The following PDE3A variants were observed in gnomAD, a reference collection of about 807,000 sequenced individuals.
PDE3A encodes the protein phosphodiesterase 3A.
In PDE3A, 43 loss-of-function variants were observed where a neutral mutation model predicts 98.3. The observed-to-expected ratio is 0.44, with a 90% CI of 0.34 to 0.56. The LOEUF (loss-of-function observed/expected upper bound fraction) is 0.56, where lower values mean the gene tolerates loss of function less well. Ranked by LOEUF, PDE3A falls within the 20% of genes least tolerant of loss-of-function variation. The pLI is 0.01. For missense variants in PDE3A, 1,427 were observed against 1,440.7 expected, an observed-to-expected ratio of 0.99 and a Z score of 0.15; for synonymous variants, 663 against 567.9, an observed-to-expected ratio of 1.17 and a Z score of -2.38.
chr12:20,547,245 G>A (rs943515374), intron 1 of PDE3A, among the ~76,000 whole-genome samples: 1 of 151,922 alleles, frequency 6.6e-6, no homozygotes, highest in Admixed American at 6.6e-5. Flanking sequence ...ACCCCCACTT[G>A]TTCTCCCTTC....
intron 1 of PDE3A, among the ~76,000 whole-genome samples, chr12:20,395,139 C>T (rs1259456068): frequency 6.6e-6 from 1 of 151,930 alleles, no homozygotes; most frequent in Admixed American, 6.6e-5. Flanking sequence ...TTCTGGTTTC[C>T]ACTCTAGCCA....
intron 1 of PDE3A, among the ~76,000 whole-genome samples, chr12:20,381,926 C>T (rs1160121985): frequency 6.6e-6 from 1 of 151,692 alleles, no homozygotes; most frequent in African/African-American, 2.4e-5. Flanking sequence ...GTTAATCAAA[C>T]TATTGTTTAT....
chr12:20,435,255 A>T (rs555221930), intron 1 of PDE3A, among the ~76,000 whole-genome samples: 16 of 152,270 alleles, frequency 1.1e-4, no homozygotes, highest in Admixed American at 3.3e-4. Context: ...TCCATTACTA[A>T]CATCAGTTAT....
intron 15 of PDE3A, among the ~76,000 whole-genome samples, chr12:20,675,392 A>G (rs1945609947): frequency 6.6e-6 from 1 of 152,182 alleles, no homozygotes; most frequent in African/African-American, 2.4e-5. Flanking sequence ...GCAGCTGTTC[A>G]ACAAAATGTT....
At chr12:20,551,068 A>G (rs966719416) in intron 1 of PDE3A, among the ~76,000 whole-genome samples, 1 of 151,246 alleles carries the variant, frequency 6.6e-6, no homozygotes, top group African/African-American at 2.4e-5. Context: ...ATATATGCTT[A>G]GTTTACTCCC....
At chr12:20,370,296 A>C in intron 1 of PDE3A, 52 bp downstream of exon 1, 1 of 1,470,918 alleles carries the variant, frequency 6.8e-7, no homozygotes, top group Non-Finnish European at 9.0e-7. Flanking sequence ...AACACTTGGC[A>C]ACCGGCGCAG....
chr12:20,551,656 T>A, intron 1 of PDE3A: 1 of 1,598,552 alleles, frequency 6.3e-7, no homozygotes, highest in Non-Finnish European at 8.5e-7. Context: ...CTTCCACATC[T>A]ACTGCCTGGA....
intron 2 of PDE3A, among the ~76,000 whole-genome samples, chr12:20,604,645 T>C (rs915928010): frequency 1.3e-5 from 2 of 152,164 alleles, no homozygotes; most frequent in African/African-American, 4.8e-5. Flanking sequence ...TTAACAGACA[T>C]AATTAGGACA....
chr12:20,582,635 G>C (rs962960417), intron 2 of PDE3A, among the ~76,000 whole-genome samples: 1 of 152,196 alleles, frequency 6.6e-6, no homozygotes, highest in South Asian at 2.1e-4. Context: ...TTGCAAGCTA[G>C]ACTCTGAAAC....
chr12:20,538,939 C>G (rs939164022), intron 1 of PDE3A, among the ~76,000 whole-genome samples: 4 of 143,304 alleles, frequency 2.8e-5, no homozygotes, highest in Non-Finnish European at 4.7e-5. Context: ...AACCACCACA[C>G]CTAGCCTTAT....
intron 1 of PDE3A, among the ~76,000 whole-genome samples, chr12:20,411,751 T>A (rs1244663694): frequency 1.3e-5 from 2 of 152,162 alleles, no homozygotes; most frequent in African/African-American, 2.4e-5. Context: ...AATGTAGAGG[T>A]CCGAGATAAC....
intron 1 of PDE3A, among the ~76,000 whole-genome samples, chr12:20,472,406 C>T (rs896056131): frequency 2.0e-5 from 3 of 152,138 alleles, no homozygotes; most frequent in Non-Finnish European, 4.4e-5. Flanking sequence ...ATCGGCTCCT[C>T]CTTTCCCTCC....
chr12:20,454,713 G>A (rs1288965407), intron 1 of PDE3A, among the ~76,000 whole-genome samples: 1 of 152,002 alleles, frequency 6.6e-6, no homozygotes, highest in Admixed American at 6.5e-5. Flanking sequence ...ACTCATAAGT[G>A]AGAACATGTG....
chr12:20,633,844 A>C, intron 7 of PDE3A, 66 bp downstream of exon 7: 1 of 921,412 alleles, frequency 1.1e-6, no homozygotes, highest in East Asian at 2.5e-5. Flanking sequence ...TTCCTGATCA[A>C]AACAGTGATC....
chr12:20,547,060 C>T (rs970297131), intron 1 of PDE3A, among the ~76,000 whole-genome samples: 5 of 152,116 alleles, frequency 3.3e-5, no homozygotes, highest in African/African-American at 7.2e-5. Context: ...TTCCTGCTCC[C>T]GCCTCAGAGC....
intron 5 of PDE3A, among the ~76,000 whole-genome samples, chr12:20,625,467 A>G (rs995397417): frequency 6.6e-6 from 1 of 152,194 alleles, no homozygotes; most frequent in Non-Finnish European, 1.5e-5. Flanking sequence ...AAATTTGAAA[A>G]TATAGAGAAC....
At chr12:20,384,130 A>T (rs1359388425) in intron 1 of PDE3A, among the ~76,000 whole-genome samples, 1 of 151,838 alleles carries the variant, frequency 6.6e-6, no homozygotes, top group Non-Finnish European at 1.5e-5. Flanking sequence ...AGACCAAATA[A>T]TAAAGGAATA....
At chr12:20,415,017 C>T (rs1013395136) in intron 1 of PDE3A, among the ~76,000 whole-genome samples, 27 of 89,852 alleles carry the variant, frequency 3.0e-4, no homozygotes, top group Admixed American at 2.4e-3. Flanking sequence ...CTTAATAGCA[C>T]ATTTTTTTTT....
At chr12:20,439,400 G>C (rs1944831211) in intron 1 of PDE3A, among the ~76,000 whole-genome samples, 1 of 152,134 alleles carries the variant, frequency 6.6e-6, no homozygotes, top group Admixed American at 6.6e-5. Flanking sequence ...AAACCTGAAT[G>C]AAGTTTTATT....
Sources: gnomAD v4.1 joint callset for allele counts (sites outside exome capture counted in the v4.1 genomes callset) on GRCh38, gnomAD v4.1.1 for gene constraint, MANE v1.5 for transcripts, NCBI Gene and HGNC (gene_info 2026-07-23, HGNC 2026-07-21) for gene names.